The following CTNNA3 variants were observed in gnomAD, a reference collection of about 807,000 sequenced individuals.
The protein encoded by CTNNA3 is catenin alpha 3.
In CTNNA3, 76 loss-of-function variants were observed where a neutral mutation model predicts 95.7. The ratio of observed to expected loss-of-function variants is 0.79; its 90% CI spans 0.66 to 0.96. The LOEUF is 0.96. Ranked by LOEUF, CTNNA3 falls within the 40% of genes least tolerant of loss-of-function variation. The probability of loss-of-function intolerance (pLI) is 0.00; values close to 1 mark genes in which losing one functional copy is unlikely to be tolerated. For missense variants in CTNNA3, 1,191 were observed against 1,089.8 expected (o/e 1.09, Z -1.31); for synonymous variants, 431 against 374.4 (o/e 1.15, Z -1.74).
At chr10:66,778,164 C>A (rs1840387659) in intron 7 of CTNNA3, among the ~76,000 whole-genome samples, 1 of 152,118 alleles carries the variant, frequency 6.6e-6, no homozygotes, top group Admixed American at 6.5e-5. Flanking sequence ...ATCCCCTATC[C>A]CCAACCACAA....
At chr10:66,919,723 CA>C (rs1846688104) in intron 7 of CTNNA3, among the ~76,000 whole-genome samples, 1 of 152,054 alleles carries the variant, frequency 6.6e-6, no homozygotes, top group Non-Finnish European at 1.5e-5. Context: ...TTAAAGCAAG[CA>C]GATGGAAATC....
chr10:67,556,016 T>C (rs879337400), intron 3 of CTNNA3, among the ~76,000 whole-genome samples: 2 of 152,214 alleles, frequency 1.3e-5, no homozygotes, highest in South Asian at 2.1e-4. Context: ...ATAATTCATG[T>C]GGTTTTTGTC....
chr10:66,543,616 A>G (rs1464607815), intron 10 of CTNNA3, among the ~76,000 whole-genome samples: 2 of 151,948 alleles, frequency 1.3e-5, no homozygotes, highest in East Asian at 3.9e-4. Flanking sequence ...AGAAATTTCT[A>G]CTTTAAAATT....
intron 7 of CTNNA3, among the ~76,000 whole-genome samples, chr10:67,126,283 C>T (rs2132006551): frequency 6.6e-6 from 1 of 152,262 alleles, no homozygotes; most frequent in East Asian, 1.9e-4. Context: ...AATCCCAGCA[C>T]TTTGGGAGGC....
intron 7 of CTNNA3, among the ~76,000 whole-genome samples, chr10:67,038,827 A>T (rs1854222919): frequency 6.6e-6 from 1 of 152,080 alleles, no homozygotes; most frequent in South Asian, 2.1e-4. Flanking sequence ...AAGTAAATGC[A>T]TAAAATGAAA....
At chr10:66,528,185 T>G (rs368925512) in intron 10 of CTNNA3, among the ~76,000 whole-genome samples, 20 of 152,286 alleles carry the variant, frequency 1.3e-4, no homozygotes, top group African/African-American at 4.6e-4. Context: ...TTAGACCCTG[T>G]GCATTAGGTT....
intron 7 of CTNNA3, among the ~76,000 whole-genome samples, chr10:66,777,126 A>G (rs924752078): frequency 1.3e-5 from 2 of 152,144 alleles, no homozygotes; most frequent in African/African-American, 4.8e-5. Flanking sequence ...ATATTTTCCC[A>G]ACAGCAGTGT....
chr10:65,974,934 C>G (rs1378705281), intron 16 of CTNNA3, among the ~76,000 whole-genome samples: 3 of 151,824 alleles, frequency 2.0e-5, no homozygotes, highest in Non-Finnish European at 4.4e-5. Context: ...TTCTAATGAC[C>G]TAAACTGCAA....
At chr10:66,912,504 C>G (rs970793058) in intron 7 of CTNNA3, among the ~76,000 whole-genome samples, 1 of 151,826 alleles carries the variant, frequency 6.6e-6, no homozygotes, top group African/African-American at 2.4e-5. Flanking sequence ...AAATTAAACA[C>G]CTGTAAGATA....
chr10:66,524,968 G>C (rs1206060949), intron 10 of CTNNA3, among the ~76,000 whole-genome samples: 1 of 152,062 alleles, frequency 6.6e-6, no homozygotes, highest in East Asian at 1.9e-4. Flanking sequence ...AGAATTGCTT[G>C]AACCAGGGAA....
At chr10:66,844,613 G>A (rs1033987497) in intron 7 of CTNNA3, among the ~76,000 whole-genome samples, 1 of 152,134 alleles carries the variant, frequency 6.6e-6, no homozygotes, top group Non-Finnish European at 1.5e-5. Flanking sequence ...TCTTCAGAAA[G>A]ATTTATATTA....
At chr10:66,585,036 T>C (rs958185201) in intron 10 of CTNNA3, among the ~76,000 whole-genome samples, 1 of 152,086 alleles carries the variant, frequency 6.6e-6, no homozygotes, top group Non-Finnish European at 1.5e-5. Context: ...ATAAGGTTTC[T>C]GCTGAGAAGT....
chr10:66,926,627 AAAAAC>A, intron 7 of CTNNA3: 1 of 1,606,484 alleles, frequency 6.2e-7, no homozygotes. Context: ...CTTAAAAACA[AAAAAC>A]AAAAAACCTC....
chr10:66,862,671 C>T (rs959269525), intron 7 of CTNNA3, among the ~76,000 whole-genome samples: 1 of 152,102 alleles, frequency 6.6e-6, no homozygotes, highest in South Asian at 2.1e-4. Context: ...GAGTGGAGGA[C>T]AGTAGTAAAA....
chr10:66,767,071 T>C (rs1839889522), intron 8 of CTNNA3, among the ~76,000 whole-genome samples: 1 of 152,164 alleles, frequency 6.6e-6, no homozygotes, highest in Admixed American at 6.5e-5. Flanking sequence ...AGGCAATTAC[T>C]CTAGTCAGCA....
chr10:67,573,246 G>T (rs373381062), intron 3 of CTNNA3, among the ~76,000 whole-genome samples: 2 of 152,132 alleles, frequency 1.3e-5, no homozygotes, highest in Non-Finnish European at 2.9e-5. Flanking sequence ...AATGGGAAAA[G>T]CCCAGTGTCC....
At chr10:67,013,621 T>A (rs1218346983) in intron 7 of CTNNA3, among the ~76,000 whole-genome samples, 3 of 152,188 alleles carry the variant, frequency 2.0e-5, no homozygotes, top group Non-Finnish European at 2.9e-5. Context: ...TACTTCCTTT[T>A]CTTGATACAA....
At chr10:66,456,640 C>T (rs1186092607) in intron 11 of CTNNA3, among the ~76,000 whole-genome samples, 2 of 151,208 alleles carry the variant, frequency 1.3e-5, no homozygotes, top group Admixed American at 1.3e-4. Flanking sequence ...CACGCCACTG[C>T]ACTCCAGCCT....
intron 6 of CTNNA3, among the ~76,000 whole-genome samples, chr10:67,181,510 T>G (rs972710182): frequency 1.3e-5 from 2 of 152,114 alleles, no homozygotes; most frequent in African/African-American, 2.4e-5. Context: ...TGCAATCACA[T>G]AATGATCTTC....
Sources: gnomAD v4.1 joint callset for allele counts (sites outside exome capture counted in the v4.1 genomes callset) on GRCh38, gnomAD v4.1.1 for gene constraint, MANE v1.5 for transcripts, NCBI Gene and HGNC (gene_info 2026-07-23, HGNC 2026-07-21) for gene names.